SLC9A9: variants seen among roughly 807,000 people sequenced by gnomAD.
The protein encoded by SLC9A9 is sodium/hydrogen exchanger 9.
SLC9A9 carries 62 observed loss-of-function variants against 77.8 expected under a neutral mutation model. The observed-to-expected ratio is 0.80, with a 90% confidence interval of 0.65 to 0.98. The LOEUF is 0.98. Ranked by LOEUF, SLC9A9 falls within the 50% of genes least tolerant of loss-of-function variation. The probability of loss-of-function intolerance (pLI) is 0.00; values close to 1 mark genes in which losing one functional copy is unlikely to be tolerated. For synonymous variants in SLC9A9, 320 were observed against 283.5 expected, an observed-to-expected ratio of 1.13 and a Z score of -1.29; for missense variants, 775 against 774.9, an observed-to-expected ratio of 1.00 and a Z score of 0.00.
At chr3:143,751,972 G>A (rs1406877236) in intron 4 of SLC9A9, among the ~76,000 whole-genome samples, 1 of 152,180 alleles carries the variant, frequency 6.6e-6, no homozygotes, top group Non-Finnish European at 1.5e-5. Flanking sequence ...AGGCCAACAT[G>A]GCAGCTGGGG....
At position 143,807,000 on chromosome 3, in the gene SLC9A9, A is replaced by T. The variant is rs566852954; in HGVS notation, c.379-10097T>A. 2.2e-4 allele frequency among the ~76,000 whole-genome samples: 33 copies of T among 152,306 alleles called. No individual in the cohort carries two copies. In the East Asian group the frequency reaches 5.6e-3, roughly 26 times the overall value. ...CTGGGCCTGTTTGGGCATTGTCAGA[A>T]CCTCCCTTCACCCTTCCTCATACTG... On this transcript the variant is annotated intron_variant, in intron 2 of 15. Coordinates refer to ENST00000316549, the MANE Select transcript of SLC9A9 (RefSeq NM_173653.4).
chr3:143,840,642 G>T (rs1001643549), intron 1 of SLC9A9, among the ~76,000 whole-genome samples: 1 of 152,226 alleles, frequency 6.6e-6, no homozygotes, highest in Middle Eastern at 3.4e-3. Context: ...TCCCACAGTG[G>T]GCTTTTTGCT....
At chr3:143,761,773 A>G (rs1462317669) in intron 4 of SLC9A9, among the ~76,000 whole-genome samples, 4 of 152,264 alleles carry the variant, frequency 2.6e-5, no homozygotes, top group Admixed American at 2.0e-4. Flanking sequence ...CATTGTGGAA[A>G]ACAGTGTGGC....
intron 2 of SLC9A9, among the ~76,000 whole-genome samples, chr3:143,823,666 T>TAAAAAAA (rs1229784068): frequency 6.6e-6 from 1 of 150,528 alleles, no homozygotes; most frequent in African/African-American, 2.4e-5. Context: ...AATAAAAAAA[T>TAAAAAAA]TAAAAAATAA....
chr3:143,430,763 T>TCCAGGTGGGCATGGTCACGTGAC (rs1255974814), intron 12 of SLC9A9, among the ~76,000 whole-genome samples: 1 of 152,224 alleles, frequency 6.6e-6, no homozygotes, highest in African/African-American at 2.4e-5. Flanking sequence ...TGAGCCACCT[T>TCCAGGTGGGCATGGTCACGTGAC]CCAGGTGGGC....
chr3:143,634,147 C>CTTTTTTTTTTTTTTTTTTTTT (rs1033629087), intron 6 of SLC9A9, among the ~76,000 whole-genome samples: 6 of 149,216 alleles, frequency 4.0e-5, no homozygotes, highest in African/African-American at 1.3e-4. Flanking sequence ...ATAATCCTTT[C>CTTTTTTTTTTTTTTTTTTTTT]TTTAAGCTTG....
intron 4 of SLC9A9, among the ~76,000 whole-genome samples, chr3:143,707,903 C>T (rs1284262502): frequency 6.6e-6 from 1 of 152,282 alleles, no homozygotes; most frequent in Non-Finnish European, 1.5e-5. Context: ...ATTTCCCACA[C>T]ATTCTGCTGC....
intron 14 of SLC9A9, among the ~76,000 whole-genome samples, chr3:143,283,905 G>C (rs1301960543): frequency 6.6e-6 from 1 of 152,166 alleles, no homozygotes; most frequent in Non-Finnish European, 1.5e-5. Flanking sequence ...GCACGAACAG[G>C]TATGATCCTT....
chr3:143,691,107 A>G (rs936469724), intron 5 of SLC9A9, among the ~76,000 whole-genome samples: 7 of 152,156 alleles, frequency 4.6e-5, no homozygotes, highest in African/African-American at 7.2e-5. Flanking sequence ...CTGAGATTTT[A>G]CATTTATAAC....
At chr3:143,625,810 C>T (rs1298337938) in intron 6 of SLC9A9, among the ~76,000 whole-genome samples, 3 of 151,874 alleles carry the variant, frequency 2.0e-5, no homozygotes, top group Non-Finnish European at 4.4e-5. Flanking sequence ...AAAGAAACTA[C>T]CATCAGAGTG....
chr3:143,429,084 G>T (rs1221180632), intron 12 of SLC9A9, among the ~76,000 whole-genome samples: 1 of 152,174 alleles, frequency 6.6e-6, no homozygotes, highest in African/African-American at 2.4e-5. Context: ...ATGTTAAAGT[G>T]ATATGGTAAT....
At chr3:143,763,294 AT>A (rs1178081142) in intron 4 of SLC9A9, among the ~76,000 whole-genome samples, 1 of 152,184 alleles carries the variant, frequency 6.6e-6, no homozygotes, top group Admixed American at 6.5e-5. Context: ...AGCAAGAGCC[AT>A]TTAGTTCACA....
chr3:143,309,154 A>T (rs2030925802), intron 14 of SLC9A9, among the ~76,000 whole-genome samples: 1 of 152,184 alleles, frequency 6.6e-6, no homozygotes, highest in South Asian at 2.1e-4. Context: ...CTAAATACAT[A>T]AATCAAGGAT....
At chr3:143,772,021 A>AGTGT in intron 4 of SLC9A9, among the ~76,000 whole-genome samples, 1 of 94,924 alleles carries the variant, frequency 1.1e-5, no homozygotes, top group Non-Finnish European at 2.3e-5. Flanking sequence ...GCATCCCCAG[A>AGTGT]ATGTGTGTGT....
At chr3:143,624,084 A>G (rs1451238504) in intron 6 of SLC9A9, among the ~76,000 whole-genome samples, 1 of 152,238 alleles carries the variant, frequency 6.6e-6, no homozygotes, top group South Asian at 2.1e-4. Context: ...GAATCTCTGA[A>G]TAGACCAATA....
At chr3:143,269,207 T>C (rs567793285) in intron 14 of SLC9A9, among the ~76,000 whole-genome samples, 2 of 152,360 alleles carry the variant, frequency 1.3e-5, no homozygotes, top group African/African-American at 4.8e-5. Context: ...GGATGGCCCA[T>C]GCTGCATCAG....
chr3:143,362,167 C>G (rs1451988784), intron 14 of SLC9A9, among the ~76,000 whole-genome samples: 1 of 152,118 alleles, frequency 6.6e-6, no homozygotes, highest in African/African-American at 2.4e-5. Context: ...ATACCAGAAC[C>G]TTTAAGAAAT....
intron 12 of SLC9A9, among the ~76,000 whole-genome samples, chr3:143,453,544 A>T (rs975970082): frequency 1.3e-5 from 2 of 152,134 alleles, no homozygotes; most frequent in Non-Finnish European, 2.9e-5. Context: ...CATACTAACA[A>T]ATTAAAAGAA....
intron 4 of SLC9A9, among the ~76,000 whole-genome samples, chr3:143,794,662 C>G (rs1431130878): frequency 6.6e-6 from 1 of 152,094 alleles, no homozygotes; most frequent in African/African-American, 2.4e-5. Flanking sequence ...TAAGGTCTCT[C>G]AATACAAGAC....
Sources: allele counts gnomAD v4.1 joint callset (sites outside exome capture counted in the v4.1 genomes callset), GRCh38; gene constraint gnomAD v4.1.1; transcripts MANE v1.5; gene names NCBI Gene and HGNC (gene_info 2026-07-23, HGNC 2026-07-21).